Variants in NR5A2 observed in about 807,000 individuals in gnomAD.
NR5A2 encodes nuclear receptor subfamily 5 group A member 2, also known as CYP7A promoter-binding factor.
NR5A2 carries 26 observed loss-of-function variants against 62.7 expected under a neutral mutation model. That is an observed-to-expected ratio of 0.41 (90% CI 0.30 to 0.58). The LOEUF is 0.58. Ranked by LOEUF, NR5A2 falls within the 20% of genes least tolerant of loss-of-function variation. The pLI, the probability that NR5A2 is intolerant of heterozygous loss-of-function variation, is 0.22. For missense variants in NR5A2, 541 were observed against 669.1 expected, an observed-to-expected ratio of 0.81 and a Z score of 2.11; for synonymous variants, 246 against 241.7, an observed-to-expected ratio of 1.02 and a Z score of -0.16.
At chr1:200,117,337 G>A (rs1571506315) in intron 6 of NR5A2, among the ~76,000 whole-genome samples, 1 of 152,336 alleles carries the variant, frequency 6.6e-6, no homozygotes. Flanking sequence ...CTTTAGAGCT[G>A]TGCAATTTGA....
Position 200,062,610 on chromosome 1 carries a change from T to C in NR5A2, c.1110+13792T>C, listed in dbSNP as rs1571735693. Among the ~76,000 whole-genome samples, 3 of 152,374 alleles carry C rather than the reference T, an allele frequency of 2.0e-5. 1 individual carries two copies. The South Asian group carries it at 6.2e-4, about 32-fold the overall frequency. ...TCCGTTGAGTGATGAAAAGCTGTTA[T>C]ATTATTTTGACTAGCTAATCAAATG... On this transcript the variant is annotated intron_variant, in intron 5 of 7. Transcript: ENST00000367362.
intron 7 of NR5A2, among the ~76,000 whole-genome samples, chr1:200,128,795 A>C (rs1666842683): frequency 6.6e-6 from 1 of 152,046 alleles, no homozygotes; most frequent in Non-Finnish European, 1.5e-5. Flanking sequence ...TTCAATCATA[A>C]CTCGGCTCTT....
intron 5 of NR5A2, among the ~76,000 whole-genome samples, chr1:200,052,886 C>T (rs532570542): frequency 5.3e-4 from 81 of 152,200 alleles, no homozygotes; most frequent in Admixed American, 1.4e-3. Context: ...GCGATCCGCC[C>T]GCCTTGGCCT....
At chr1:200,060,802 G>C (rs1369679342) in intron 5 of NR5A2, among the ~76,000 whole-genome samples, 1 of 152,002 alleles carries the variant, frequency 6.6e-6, no homozygotes, top group Non-Finnish European at 1.5e-5. Flanking sequence ...CAAAAGCTTT[G>C]ACAAGAATAA....
intron 5 of NR5A2, among the ~76,000 whole-genome samples, chr1:200,091,436 T>C (rs570952991): frequency 6.6e-6 from 1 of 152,034 alleles, no homozygotes; most frequent in East Asian, 1.9e-4. Context: ...AGCCTGTTTC[T>C]GTACCAGACC....
intron 5 of NR5A2, among the ~76,000 whole-genome samples, chr1:200,110,681 C>T (rs370615860): frequency 9.8e-5 from 15 of 152,306 alleles, no homozygotes; most frequent in East Asian, 9.6e-4. Flanking sequence ...GGTTACAAAA[C>T]GGGCTGTGTG....
intron 5 of NR5A2, among the ~76,000 whole-genome samples, chr1:200,096,136 C>G (rs868429530): frequency 1.1e-4 from 17 of 152,230 alleles, no homozygotes; most frequent in African/African-American, 4.1e-4. Flanking sequence ...GTCTGTCACC[C>G]AGGCTGGAGT....
intron 5 of NR5A2, among the ~76,000 whole-genome samples, chr1:200,072,448 C>A (rs930190745): frequency 6.6e-6 from 1 of 151,882 alleles, no homozygotes; most frequent in Non-Finnish European, 1.5e-5. Context: ...AATGTGACAC[C>A]CTTTTAATCA....
intron 5 of NR5A2, among the ~76,000 whole-genome samples, chr1:200,074,165 A>T (rs1663890113): frequency 6.6e-6 from 1 of 152,218 alleles, no homozygotes; most frequent in Non-Finnish European, 1.5e-5. Flanking sequence ...TAATGAAATG[A>T]TTCATGGGCA....
At chr1:200,087,630 C>T (rs148168178) in intron 5 of NR5A2, among the ~76,000 whole-genome samples, 3,344 of 152,134 alleles carry the variant, frequency 0.022, 131 homozygotes, top group African/African-American at 0.074. Flanking sequence ...CTCTTGACCT[C>T]GTGATCTGCC....
chr1:200,133,610 T>C (rs200686781), intron 7 of NR5A2, among the ~76,000 whole-genome samples: 11 of 143,424 alleles, frequency 7.7e-5, no homozygotes, highest in East Asian at 4.0e-4. Flanking sequence ...TACACATATA[T>C]ACACACACAC....
At chr1:200,080,086 G>A (rs1664226949) in intron 5 of NR5A2, among the ~76,000 whole-genome samples, 1 of 152,160 alleles carries the variant, frequency 6.6e-6, no homozygotes, top group Admixed American at 6.5e-5. Context: ...CAAAAAGTTT[G>A]AGGTGATTTG....
intron 7 of NR5A2, among the ~76,000 whole-genome samples, chr1:200,124,067 G>A (rs1054956568): frequency 6.6e-6 from 1 of 152,010 alleles, no homozygotes; most frequent in Non-Finnish European, 1.5e-5. Context: ...GCCTCTCAAA[G>A]TGCTGGGATT....
In NR5A2 at chr1:200,048,451, C is replaced by A. The variant is rs372532536; in HGVS notation, c.743C>A (p.Thr248Lys). 1 of 1,614,100 alleles carries A rather than the reference C, an allele frequency of 6.2e-7. No homozygotes were observed. Among genetic ancestry groups the A allele is most frequent in the Non-Finnish European group, 8.5e-7 (1 of 1,180,044 alleles). The change falls in exon 5 of 8, where the codon ACA (threonine) becomes AAA (lysine). Residue 248 changes from threonine to lysine, a missense_variant. This residue lies in a region of NR5A2 where 379 missense variants were observed against 442.0 expected (regional missense o/e 0.86). Coordinates refer to ENST00000367362, the MANE Select transcript of NR5A2 (RefSeq NM_205860.3). This position sits in a 1 kb window ranked among gnomAD's most constrained non-coding sequence, Gnocchi z 4.8. ...SPFVTSPISM[T>K]MPPHGSLQGY... ...TTTGTAACATCCCCCATTAGCATGA[C>A]AATGCCCCCTCACGGCAGCCTGCAA... is the stretch of plus-strand genomic sequence containing the variant.
At chr1:200,168,404 C>G (rs1333087418) in intron 7 of NR5A2, among the ~76,000 whole-genome samples, 1 of 151,948 alleles carries the variant, frequency 6.6e-6, no homozygotes, top group Non-Finnish European at 1.5e-5. Context: ...TAGGGGGAGA[C>G]AAGGGTCTTG....
intron 5 of NR5A2, among the ~76,000 whole-genome samples, chr1:200,077,311 G>T (rs919153238): frequency 1.3e-5 from 2 of 152,222 alleles, no homozygotes; most frequent in African/African-American, 4.8e-5. Context: ...AGAGGAAGAG[G>T]TCCTTAATTA....
chr1:200,069,608 A>G (rs1558119376), intron 5 of NR5A2, among the ~76,000 whole-genome samples: 1 of 152,212 alleles, frequency 6.6e-6, no homozygotes, highest in Non-Finnish European at 1.5e-5. Flanking sequence ...TACAAGTTTT[A>G]CTATTATCTA....
intron 7 of NR5A2, among the ~76,000 whole-genome samples, chr1:200,135,613 A>G (rs981714860): frequency 1.3e-5 from 2 of 152,074 alleles, no homozygotes; most frequent in African/African-American, 4.8e-5. Context: ...TTGAGGTGAT[A>G]TGGCCTAATG....
At chr1:200,173,168 G>T (rs908638805) in intron 7 of NR5A2, among the ~76,000 whole-genome samples, 57 of 152,164 alleles carry the variant, frequency 3.7e-4, no homozygotes, top group African/African-American at 1.3e-3. Context: ...AAAAACAACT[G>T]CATAGTCATC....
Sources: allele counts gnomAD v4.1 joint callset (sites outside exome capture counted in the v4.1 genomes callset), GRCh38; gene constraint gnomAD v4.1.1; regional missense constraint gnomAD v4.1.1; non-coding constraint Gnocchi (gnomAD v3.1); transcripts MANE v1.5; gene names NCBI Gene and HGNC (gene_info 2026-07-23, HGNC 2026-07-21).